Variants in AP2A2 observed in about 807,000 individuals in gnomAD.
The protein encoded by AP2A2 is AP-2 complex subunit alpha-2.
AP2A2 carries 32 observed loss-of-function variants against 104.2 expected under a neutral mutation model. The ratio of observed to expected loss-of-function variants is 0.31; its 90% CI spans 0.23 to 0.41. AP2A2 has a LOEUF of 0.41. Ranked by LOEUF, AP2A2 falls within the 10% of genes least tolerant of loss-of-function variation. The probability of loss-of-function intolerance (pLI) is 1.00; values close to 1 mark genes in which losing one functional copy is unlikely to be tolerated. For missense variants in AP2A2, 912 were observed against 1,261.0 expected, an observed-to-expected ratio of 0.72 and a Z score of 4.19; for synonymous variants, 539 against 533.3, an observed-to-expected ratio of 1.01 and a Z score of -0.15.
chr11:1,001,698 G>T (rs1033973600), intron 15 of AP2A2, among the ~76,000 whole-genome samples: 1 of 152,126 alleles, frequency 6.6e-6, no homozygotes, highest in African/African-American at 2.4e-5. Context: ...TCTGGTGGTG[G>T]CTGCTCCTCA....
At position 992,926 on chromosome 11, in the gene AP2A2, CTG is replaced by C. The variant is rs1250460678; in HGVS notation, c.1452+250_1452+251del. On this transcript the variant is annotated intron_variant, in intron 11 of 21. Transcript: ENST00000448903. The surrounding 1 kb of genome is among the most constrained non-coding windows in gnomAD (Gnocchi z 6.4). ...GGGGGCCACCTGAGAAAGCCGGCCT[CTG>C]TGTGTGTGAGAGCATGCTGGGGCAT... Among the ~76,000 whole-genome samples the C allele has an allele frequency of 2.0e-5, 3 of 152,152 alleles. No homozygotes were observed. Among genetic ancestry groups the C allele is most frequent in the Admixed American group, 6.5e-5 (1 of 15,274 alleles).
At chr11:989,333 C>CAA (rs201393139) in intron 10 of AP2A2, among the ~76,000 whole-genome samples, 85 of 141,418 alleles carry the variant, frequency 6.0e-4, no homozygotes, top group Non-Finnish European at 9.1e-4. Context: ...AACTCTGTCT[C>CAA]AAAAAAAAAA....
In AP2A2 at chr11:993,874, C is replaced by A. The variant is rs1168116918; in HGVS notation, c.1671C>A (p.Thr557=). The change falls in exon 13 of 22, where the codon ACC becomes ACA. Residue 557 remains threonine (T), a synonymous_variant. Coordinates refer to ENST00000448903, the MANE Select transcript of AP2A2 (RefSeq NM_012305.4). This position sits in a 1 kb window ranked among gnomAD's most constrained non-coding sequence, Gnocchi z 8.2. ...FVNLFPEVKP[T]IQDVLRSDSQ... The stretch of plus-strand genomic sequence containing the variant: ...ACCTCTTCCCGGAGGTGAAGCCCAC[C>A]ATCCAGGACGTGCTGCGCAGCGACA... 1 of 1,610,324 alleles carries A rather than the reference C, an allele frequency of 6.2e-7. No homozygotes were observed.
intron 14 of AP2A2, among the ~76,000 whole-genome samples, chr11:997,126 T>C (rs1445609755): frequency 6.6e-6 from 1 of 152,202 alleles, no homozygotes; most frequent in Non-Finnish European, 1.5e-5. Flanking sequence ...ACATGTGCCT[T>C]TCCCACGAGA....
chr11:1,000,602 G>A lies in AP2A2; in HGVS notation c.2123+4G>A. ...GCTCCGAAGACAACTTTGCCAGGTA[G>A]TCAGGTTTCCTGAGTCCTGCAGACA... On this transcript the variant is annotated splice_donor_region_variant and intron_variant, in intron 15 of 21. Transcript: ENST00000448903. The A allele has an allele frequency of 6.5e-7, 1 of 1,541,416 alleles. No homozygotes were observed. Among genetic ancestry groups the A allele is most frequent in the East Asian group, 2.4e-5 (1 of 41,430 alleles).
intron 1 of AP2A2, among the ~76,000 whole-genome samples, chr11:943,984 G>C: frequency 6.6e-6 from 1 of 151,330 alleles, no homozygotes; most frequent in East Asian, 2.0e-4. Flanking sequence ...TCCGACCGGA[G>C]ATGCAGGTGG....
chr11:943,041 A>C (rs999448186), intron 1 of AP2A2: 1 of 152,210 alleles, frequency 6.6e-6, no homozygotes, highest in African/African-American at 2.4e-5. Flanking sequence ...GTCTGATTTT[A>C]TCCTGGGTGC....
chr11:1,005,232 C>T (rs925912300), intron 16 of AP2A2, among the ~76,000 whole-genome samples: 6 of 152,224 alleles, frequency 3.9e-5, no homozygotes, highest in South Asian at 2.1e-4. Context: ...CTCAGTGACA[C>T]GGGCCAGACA....
chr11:1,010,056 C>CT (rs1410332121), intron 21 of AP2A2: 9 of 542,022 alleles, frequency 1.7e-5, no homozygotes, highest in Non-Finnish European at 3.0e-5. Flanking sequence ...TTAACCACCA[C>CT]CCTGTCAATA....
intron 1 of AP2A2, among the ~76,000 whole-genome samples, chr11:935,948 T>C (rs1251182800): frequency 6.7e-6 from 1 of 150,130 alleles, no homozygotes; most frequent in Non-Finnish European, 1.5e-5. Flanking sequence ...GTCTCCCAGG[T>C]TGGAGTGCAA....
Position 993,736 on chromosome 11 carries a change from G to A in AP2A2, c.1551-18G>A. Reference sequence around the variant, plus strand: ...GAGGGGACGACGGTGTCCCTGTGTTGTGCCTCCCCGTCCCCAGCCCGCTGA... The same window carrying A: ...GAGGGGACGACGGTGTCCCTGTGTTATGCCTCCCCGTCCCCAGCCCGCTGA... On this transcript the variant is annotated intron_variant, in intron 12 of 21. Coordinates refer to ENST00000448903, the MANE Select transcript of AP2A2 (RefSeq NM_012305.4). This position sits in a 1 kb window ranked among gnomAD's most constrained non-coding sequence, Gnocchi z 8.2. 6.4e-7 allele frequency: 1 copy of A among 1,562,918 alleles called. No individual in the cohort carries two copies. The highest frequency in any genetic ancestry group is 1.4e-5 in the African/African-American group (1 of 73,778).
At chr11:977,317 CCAGGAGAGGCT>C (rs1855079137) in intron 5 of AP2A2, 93 bp downstream of exon 5, 1 of 1,467,740 alleles carries the variant, frequency 6.8e-7, no homozygotes, top group Non-Finnish European at 9.1e-7. Context: ...CTCGGGATGC[CCAGGAGAGGCT>C]GTCACAGGGG....
intron 4 of AP2A2, among the ~76,000 whole-genome samples, chr11:975,259 T>G (rs113231299): frequency 8.0e-6 from 1 of 125,130 alleles, no homozygotes; most frequent in African/African-American, 3.0e-5. Context: ...AGCGAGTAGC[T>G]GTAGGGTCCT....
rs547135657 is a variant in AP2A2 at position 955,937 on chromosome 11, C to T, written c.68-3500C>T. 2.4e-4 allele frequency among the ~76,000 whole-genome samples: 36 copies of T among 152,192 alleles called. 2 individuals carry two copies. The East Asian group carries it at 3.1e-3, about 13-fold the overall frequency. ...CTGGCGGGGCCGCTTGTGTCGTGTT[C>T]TGATGTGGATGGGTTGCTGCAGAGG... On this transcript the variant is annotated intron_variant, in intron 1 of 21. Transcript: ENST00000448903.
In AP2A2 at chr11:963,374, C is replaced by T. The variant is rs1004653578; in HGVS notation, c.136+3869C>T. On this transcript the variant is annotated intron_variant, in intron 2 of 21. Transcript: ENST00000448903. Reference sequence around the variant, plus strand: ...CTAGGAGGCAGAGGTTGCTGTGAGCCGAGATCGTGCCAGTGCACTACAGCC... The same window carrying T: ...CTAGGAGGCAGAGGTTGCTGTGAGCTGAGATCGTGCCAGTGCACTACAGCC... Among the ~76,000 whole-genome samples, 55 of 151,710 alleles carry T rather than the reference C, an allele frequency of 3.6e-4. 1 individual carries two copies. The highest frequency in any genetic ancestry group is 1.2e-3 in the African/African-American group (50 of 41,296).
Position 1,009,788 on chromosome 11 carries a change from C to T in AP2A2, c.2713C>T (p.Leu905=). 1.3e-6 allele frequency: 2 copies of T among 1,549,138 alleles called. No homozygotes were observed. The highest frequency in any genetic ancestry group is 1.7e-6 in the Non-Finnish European group (2 of 1,144,974). The change falls in exon 21 of 22, where the codon CTG becomes TTG. Residue 905 remains leucine (L), a synonymous_variant. Coordinates refer to ENST00000448903, the MANE Select transcript of AP2A2 (RefSeq NM_012305.4). ...HTKTTQIGCL[L]RLEPNLQAQM... is the part of the protein sequence containing the mutation. ...GAAAACCACCCAGATTGGATGCCTGCTGCGCTTGGAGCCGAACCTGCAAGC... is the reference window on the plus strand; with the variant it reads ...GAAAACCACCCAGATTGGATGCCTGTTGCGCTTGGAGCCGAACCTGCAAGC...
intron 6 of AP2A2, among the ~76,000 whole-genome samples, chr11:983,369 ATTATTTAT>A (rs72210326): frequency 2.7e-5 from 4 of 146,356 alleles, no homozygotes; most frequent in East Asian, 2.1e-4. Flanking sequence ...GTCTCTTTTT[ATTATTTAT>A]TTATTTATTT....
At chr11:994,706 C>T (rs1376295037) in intron 14 of AP2A2, among the ~76,000 whole-genome samples, 1 of 138,968 alleles carries the variant, frequency 7.2e-6, no homozygotes, top group African/African-American at 2.7e-5. Flanking sequence ...CTGGACGCCC[C>T]GTTGTCCTGT....
intron 10 of AP2A2, among the ~76,000 whole-genome samples, chr11:989,803 G>A (rs1855585691): frequency 6.6e-6 from 1 of 152,250 alleles, no homozygotes; most frequent in East Asian, 1.9e-4. Context: ...TGGGGTTTAA[G>A]GGGGAGGCCC....
Sources: allele counts gnomAD v4.1 joint callset (sites outside exome capture counted in the v4.1 genomes callset), GRCh38; gene constraint gnomAD v4.1.1; non-coding constraint Gnocchi (gnomAD v3.1); transcripts MANE v1.5; gene names NCBI Gene and HGNC (gene_info 2026-07-23, HGNC 2026-07-21).